The following CACNA1A variants were observed in gnomAD, a reference collection of about 807,000 sequenced individuals.
CACNA1A encodes the protein voltage-dependent P/Q-type calcium channel subunit alpha-1A.
In CACNA1A, 57 loss-of-function variants were observed where a neutral mutation model predicts 262.4. The ratio of observed to expected loss-of-function variants is 0.22; its 90% CI spans 0.18 to 0.27. CACNA1A has a LOEUF of 0.27. CACNA1A is among the 10% of genes least tolerant of loss of function. The pLI is 1.00. For missense variants in CACNA1A, 2,526 were observed against 3,562.8 expected (o/e 0.71, Z 7.41); for synonymous variants, 1,431 against 1,419.3 (o/e 1.01, Z -0.18).
chr19:13,244,966 A>G (rs2144690868), intron 31 of CACNA1A: 1 of 585,944 alleles, frequency 1.7e-6, no homozygotes, highest in East Asian at 2.8e-5. Flanking sequence ...CTGGCCCTAC[A>G]GCCAAGCTTT....
Position 13,402,755 on chromosome 19 carries a change from C to CATATAT in CACNA1A, c.540-30977_540-30976insATATAT, listed in dbSNP as rs1160332747. 1.9e-4 allele frequency among the ~76,000 whole-genome samples: 27 copies of CATATAT among 140,650 alleles called. No individual in the cohort carries two copies. In the East Asian group the frequency reaches 5.3e-3, roughly 28 times the overall value. 92.3% of individuals were successfully genotyped at this position (140,650 alleles called of 152,430 possible). A position where few individuals can be genotyped will look rare whatever the true frequency, so the allele number is the denominator to read the frequency against. On this transcript the variant is annotated intron_variant, in intron 3 of 46. Transcript: ENST00000360228. ...ATACATATATATACACATATATATA[C>CATATAT]ACACATATATATACATATATATACA...
At chr19:13,367,596 C>T (rs1161995944) in intron 4 of CACNA1A, among the ~76,000 whole-genome samples, 2 of 145,028 alleles carry the variant, frequency 1.4e-5, no homozygotes, top group Admixed American at 6.8e-5. Flanking sequence ...GGCGTGGTGG[C>T]GGGCACCTGT....
chr19:13,229,924 G>GTGA, intron 36 of CACNA1A, 158 bp downstream of exon 36: 1 of 800,350 alleles, frequency 1.2e-6, no homozygotes, highest in Non-Finnish European at 1.9e-6. Flanking sequence ...GTATGCAAGG[G>GTGA]TGATGATTCT....
intron 30 of CACNA1A, among the ~76,000 whole-genome samples, chr19:13,251,198 A>C (rs557044736): frequency 1.7e-4 from 26 of 150,826 alleles, no homozygotes; most frequent in African/African-American, 6.3e-4. Context: ...TAACACACTG[A>C]GTAGGCCGGG....
chr19:13,357,944 C>G (rs1304993022), intron 6 of CACNA1A, among the ~76,000 whole-genome samples: 1 of 152,086 alleles, frequency 6.6e-6, no homozygotes, highest in Non-Finnish European at 1.5e-5. Context: ...GAGTTTAAGG[C>G]TGCAGTGAGC....
intron 3 of CACNA1A, among the ~76,000 whole-genome samples, chr19:13,372,672 G>A (rs1190724277): frequency 6.6e-6 from 1 of 152,172 alleles, no homozygotes; most frequent in African/African-American, 2.4e-5. Context: ...TGAGGATTCA[G>A]TAAGTTGACA....
rs1005884911 is a variant in CACNA1A at position 13,371,730 on chromosome 19, C to T, written c.589G>A (p.Val197Ile). ...TEFDLRTLRA[V>I]RVLRPLKLVS... is the part of the protein sequence containing the mutation. ...AGCTTGAGCGGCCGCAGCACTCGAA[C>T]TGCCCTCAGCGTCCGTAGGTCAAAC... Residue 197 changes from valine (V) to isoleucine (I), a missense_variant, in exon 4 of 47, where the codon GTT becomes ATT. By Grantham distance (29) the Val-to-Ile change is conservative. Transcript: ENST00000360228. 3 of 1,581,508 alleles carry T rather than the reference C, an allele frequency of 1.9e-6. No homozygotes were observed. Among genetic ancestry groups the T allele is most frequent in the Non-Finnish European group, 2.6e-6 (3 of 1,164,020 alleles).
chr19:13,368,446 C>A (rs2059256739), intron 4 of CACNA1A, among the ~76,000 whole-genome samples: 1 of 151,948 alleles, frequency 6.6e-6, no homozygotes, highest in African/African-American at 2.4e-5. Flanking sequence ...GAGCCTCCTG[C>A]CTCAGCCTCC....
In CACNA1A at chr19:13,207,173, C is replaced by G. The variant is rs1393907378; in HGVS notation, c.*140G>C. On this transcript the variant is annotated 3_prime_UTR_variant, in exon 47 of 47. Transcript: ENST00000360228. The surrounding 1 kb of genome is among the most constrained non-coding windows in gnomAD (Gnocchi z 5.7). ...GGACACCCTTGTGGCCCAGCCCTGG[C>G]CTCTCCAGAGTCTGGGGTCTCCCGG... 1.1e-6 allele frequency: 1 copy of G among 951,158 alleles called. No homozygotes were observed. Among genetic ancestry groups the G allele is most frequent in the African/African-American group, 1.8e-5 (1 of 56,116 alleles). 58.9% of individuals were successfully genotyped at this position (951,158 alleles called of 1,614,324 possible). A position where few individuals can be genotyped will look rare whatever the true frequency, so the allele number is the denominator to read the frequency against.
At chr19:13,415,299 C>A (rs901164739) in intron 3 of CACNA1A, among the ~76,000 whole-genome samples, 5 of 152,016 alleles carry the variant, frequency 3.3e-5, no homozygotes, top group Admixed American at 3.3e-4. Context: ...GACGCAATCC[C>A]TGCATATTTT....
At chr19:13,280,468 T>C (rs1481884660) in intron 22 of CACNA1A, among the ~76,000 whole-genome samples, 1 of 151,792 alleles carries the variant, frequency 6.6e-6, no homozygotes, top group Non-Finnish European at 1.5e-5. Context: ...GCTGGGATTA[T>C]AGGCGTGAGC....
intron 3 of CACNA1A, among the ~76,000 whole-genome samples, chr19:13,426,109 A>G (rs1322915901): frequency 1.3e-5 from 2 of 152,142 alleles, no homozygotes; most frequent in African/African-American, 4.8e-5. Context: ...GCTTCACACA[A>G]CCAAAGATAA....
chr19:13,406,994 C>T lies in CACNA1A; in HGVS notation c.540-35215G>A, dbSNP rs866620651. ...GTATGCATGTGTACACACATACCCA[C>T]ACACAAGCACAGCTCTGTTTACCTG... On this transcript the variant is annotated intron_variant, in intron 3 of 46. Transcript: ENST00000360228. Among the ~76,000 whole-genome samples, 21 of 152,140 alleles carry T rather than the reference C, an allele frequency of 1.4e-4. 1 individual carries two copies. The South Asian group carries it at 4.0e-3, about 29-fold the overall frequency.
At chr19:13,357,224 TTG>T (rs1449927429) in intron 6 of CACNA1A, among the ~76,000 whole-genome samples, 3 of 152,078 alleles carry the variant, frequency 2.0e-5, no homozygotes, top group Admixed American at 1.3e-4. Context: ...GTTGCAATTT[TTG>T]TGTGTGTGAA....
intron 10 of CACNA1A, among the ~76,000 whole-genome samples, chr19:13,318,520 G>A (rs7250570): frequency 0.29 from 44,539 of 151,866 alleles, 7,115 homozygotes; most frequent in East Asian, 0.47. Context: ...GTGTTCACAG[G>A]CACCCTCTGG....
intron 3 of CACNA1A, among the ~76,000 whole-genome samples, chr19:13,395,273 CAAA>C (rs58840618): frequency 1.5e-4 from 13 of 88,892 alleles, no homozygotes; most frequent in Admixed American, 5.2e-4. Flanking sequence ...GACTCCATCT[CAAA>C]AAAAAAAAAA....
rs117094063 is a variant in CACNA1A, at chr19:13,501,321, G to A, written c.293+4611C>T. The stretch of plus-strand genomic sequence containing the variant: ...CTCCCGAGTAGCTGGGATTATAGAC[G>A]CACAATACCACGCCTGGCTAATTTT... On this transcript the variant is annotated intron_variant, in intron 1 of 46. Coordinates refer to ENST00000360228, the MANE Select transcript of CACNA1A (RefSeq NM_001127222.2). 7.8e-3 allele frequency among the ~76,000 whole-genome samples: 1,178 copies of A among 151,642 alleles called. 20 individuals carry two copies. The highest frequency in any genetic ancestry group is 0.013 in the Non-Finnish European group (856 of 67,926).
At chr19:13,374,929 C>T (rs149591654) in intron 3 of CACNA1A, among the ~76,000 whole-genome samples, 138 of 152,260 alleles carry the variant, frequency 9.1e-4, no homozygotes, top group African/African-American at 3.3e-3. Context: ...CCTTGGCCTC[C>T]CAAAGTGCTG....
At chr19:13,226,267 G>T (rs77635818) in intron 37 of CACNA1A, 5 of 126,500 alleles carry the variant, frequency 4.0e-5, no homozygotes, top group Admixed American at 3.8e-4. Flanking sequence ...GGGGGGGGGG[G>T]GGGCGGCAGG....
Sources: gnomAD v4.1 joint callset for allele counts (sites outside exome capture counted in the v4.1 genomes callset) on GRCh38, gnomAD v4.1.1 for gene constraint, Gnocchi (gnomAD v3.1) non-coding constraint, MANE v1.5 for transcripts, NCBI Gene and HGNC (gene_info 2026-07-23, HGNC 2026-07-21) for gene names.